ARHGAP44: variants seen among roughly 807,000 people sequenced by gnomAD.
ARHGAP44 encodes the protein rho GTPase-activating protein 44.
A neutral mutation model predicts 106.8 loss-of-function variants in ARHGAP44; 43 were observed. The ratio of observed to expected loss-of-function variants is 0.40; its 90% confidence interval spans 0.32 to 0.52. The LOEUF (loss-of-function observed/expected upper bound fraction) is 0.52, where lower values mean the gene tolerates loss of function less well. Among genes scored for constraint, ARHGAP44 ranks in the 20% least tolerant of loss-of-function variants. ARHGAP44 has a pLI of 0.48. For synonymous variants in ARHGAP44, 439 were observed against 410.3 expected (o/e 1.07, Z -0.85); for missense variants, 866 against 1,050.5 (o/e 0.82, Z 2.43).
At chr17:12,871,266 T>C (rs1327584745) in intron 1 of ARHGAP44, among the ~76,000 whole-genome samples, 1 of 152,182 alleles carries the variant, frequency 6.6e-6, no homozygotes, top group African/African-American at 2.4e-5. Flanking sequence ...AGGTGGGGCC[T>C]GGTGGGAGGT....
In ARHGAP44 at chr17:12,944,050, TTCTC is replaced by T; in HGVS notation, c.734-18_734-15del. ...ACTTGGCGAACAGCTGACTGACTCTTTCTCACTCCTCCCCTCAGAGGCCTGGGTA... is the reference window on the plus strand; with the variant it reads ...ACTTGGCGAACAGCTGACTGACTCTTACTCCTCCCCTCAGAGGCCTGGGTA... On this transcript the variant is annotated splice_polypyrimidine_tract_variant and intron_variant, in intron 9 of 20. Transcript: ENST00000379672. 1 of 1,581,656 alleles carries T rather than the reference TTCTC, an allele frequency of 6.3e-7. No individual in the cohort carries two copies. The highest frequency in any genetic ancestry group is 8.6e-7 in the Non-Finnish European group (1 of 1,159,912).
At chr17:12,971,364 T>A (rs1484111294) in intron 16 of ARHGAP44, among the ~76,000 whole-genome samples, 1 of 151,986 alleles carries the variant, frequency 6.6e-6, no homozygotes, top group African/African-American at 2.4e-5. Context: ...TGGGAAAGCC[T>A]TTTTCAAGTA....
chr17:12,792,958 C>T (rs1440447624), intron 1 of ARHGAP44, among the ~76,000 whole-genome samples: 2 of 152,326 alleles, frequency 1.3e-5, no homozygotes, highest in East Asian at 1.9e-4. Context: ...TTAGTCTGCA[C>T]GTGTTCCTTC....
intron 1 of ARHGAP44, among the ~76,000 whole-genome samples, chr17:12,839,898 C>T (rs143568188): frequency 2.1e-3 from 325 of 152,244 alleles, no homozygotes; most frequent in African/African-American, 7.5e-3. Flanking sequence ...TTTGTTCTGC[C>T]ACCCAAAGAC....
At chr17:12,906,131 T>C (rs1176921757) in intron 3 of ARHGAP44, among the ~76,000 whole-genome samples, 1 of 152,218 alleles carries the variant, frequency 6.6e-6, no homozygotes, top group Non-Finnish European at 1.5e-5. Flanking sequence ...TCACCCCTGG[T>C]TGAGAACCAA....
chr17:12,808,089 A>C (rs928583927), intron 1 of ARHGAP44, among the ~76,000 whole-genome samples: 1 of 152,204 alleles, frequency 6.6e-6, no homozygotes, highest in Non-Finnish European at 1.5e-5. Flanking sequence ...CTTTGACTCC[A>C]TGTCTCACAT....
chr17:12,824,685 C>T lies in ARHGAP44; in HGVS notation c.53+34794C>T, dbSNP rs572005486. On this transcript the variant is annotated intron_variant, in intron 1 of 20. Coordinates refer to ENST00000379672, the MANE Select transcript of ARHGAP44 (RefSeq NM_014859.6). ...AGGATAATAATTATTTTCGGTGTTT[C>T]CCATCACTCAGAGGAAAAAGACTAG... Among the ~76,000 whole-genome samples, 129 of 152,170 alleles carry T rather than the reference C, an allele frequency of 8.5e-4. 1 individual carries two copies. Among genetic ancestry groups the T allele is most frequent in the African/African-American group, 3.1e-3 (127 of 41,512 alleles).
chr17:12,791,760 T>C (rs924224673), intron 1 of ARHGAP44, among the ~76,000 whole-genome samples: 1 of 152,176 alleles, frequency 6.6e-6, no homozygotes, highest in African/African-American at 2.4e-5. Context: ...TCCAAGCAGC[T>C]GGTTACCAAG....
chr17:12,809,004 C>G (rs2034361604), intron 1 of ARHGAP44, among the ~76,000 whole-genome samples: 1 of 152,216 alleles, frequency 6.6e-6, no homozygotes, highest in Non-Finnish European at 1.5e-5. Flanking sequence ...GTCAGATGCA[C>G]TAAATCATCT....
chr17:12,878,861 A>AT (rs1367033992), intron 1 of ARHGAP44, among the ~76,000 whole-genome samples: 1 of 152,196 alleles, frequency 6.6e-6, no homozygotes, highest in Non-Finnish European at 1.5e-5. Context: ...ATGACCTTAC[A>AT]TTTTTAAGAA....
intron 16 of ARHGAP44, among the ~76,000 whole-genome samples, chr17:12,969,071 CCTGT>C (rs2039463766): frequency 6.6e-6 from 1 of 152,068 alleles, no homozygotes; most frequent in Non-Finnish European, 1.5e-5. Context: ...ACCTGGCCTC[CCTGT>C]CTATTTCTAT....
chr17:12,796,201 C>T (rs903669322), intron 1 of ARHGAP44, among the ~76,000 whole-genome samples: 1 of 151,842 alleles, frequency 6.6e-6, no homozygotes, highest in South Asian at 2.1e-4. Context: ...ACTCTGTATA[C>T]TGTTTTGTAA....
At chr17:12,806,416 T>C (rs564858277) in intron 1 of ARHGAP44, among the ~76,000 whole-genome samples, 1 of 152,290 alleles carries the variant, frequency 6.6e-6, no homozygotes, top group African/African-American at 2.4e-5. Flanking sequence ...GGCTTGCAAA[T>C]AGGATGACCA....
At chr17:12,813,977 A>T (rs983448573) in intron 1 of ARHGAP44, among the ~76,000 whole-genome samples, 1 of 152,184 alleles carries the variant, frequency 6.6e-6, no homozygotes, top group East Asian at 1.9e-4. Context: ...TTTCATCTAA[A>T]TATTCAGAAG....
chr17:12,805,332 G>C (rs1262214751), intron 1 of ARHGAP44, among the ~76,000 whole-genome samples: 1 of 152,208 alleles, frequency 6.6e-6, no homozygotes, highest in Non-Finnish European at 1.5e-5. Flanking sequence ...GGTGTCCACA[G>C]TGCTTTGCAA....
chr17:12,926,430 AATAT>A (rs1015114894), intron 6 of ARHGAP44, among the ~76,000 whole-genome samples: 1 of 142,418 alleles, frequency 7.0e-6, no homozygotes, highest in Admixed American at 7.4e-5. Context: ...ATGTATATAT[AATAT>A]ATATGTATAT....
chr17:12,793,770 G>A, intron 1 of ARHGAP44, among the ~76,000 whole-genome samples: 1 of 151,592 alleles, frequency 6.6e-6, no homozygotes, highest in East Asian at 1.9e-4. Context: ...TGGCTCACTT[G>A]TGTTATAATT....
At chr17:12,972,984 A>C (rs1035503630) in intron 16 of ARHGAP44, 2 of 292,730 alleles carry the variant, frequency 6.8e-6, no homozygotes, top group Non-Finnish European at 1.3e-5. Flanking sequence ...ATGTTTTTTT[A>C]AAAAAAGAAG....
chr17:12,855,980 G>A (rs1825617211), intron 1 of ARHGAP44, among the ~76,000 whole-genome samples: 1 of 152,144 alleles, frequency 6.6e-6, no homozygotes, highest in Admixed American at 6.5e-5. Flanking sequence ...CCCTCAATCT[G>A]CTTTAAGAAA....
Sources: allele counts gnomAD v4.1 joint callset (sites outside exome capture counted in the v4.1 genomes callset), GRCh38; gene constraint gnomAD v4.1.1; transcripts MANE v1.5; gene names NCBI Gene and HGNC (gene_info 2026-07-23, HGNC 2026-07-21).